The following KCNT2 variants were observed in gnomAD, a reference collection of about 807,000 sequenced individuals.
KCNT2 encodes the protein potassium channel subfamily T member 2.
A neutral mutation model predicts 153.8 loss-of-function variants in KCNT2; 67 were observed. The ratio of observed to expected loss-of-function variants is 0.44; its 90% CI spans 0.36 to 0.53. KCNT2 has a LOEUF of 0.53. Among genes scored for constraint, KCNT2 ranks in the 20% least tolerant of loss-of-function variants. The pLI is 0.00. For synonymous variants in KCNT2, 500 were observed against 458.8 expected (o/e 1.09, Z -1.15); for missense variants, 975 against 1,354.8 (o/e 0.72, Z 4.40).
intron 1 of KCNT2, among the ~76,000 whole-genome samples, chr1:196,497,460 T>C (rs1308565028): frequency 2.0e-5 from 3 of 152,168 alleles, no homozygotes; most frequent in East Asian, 1.9e-4. Context: ...TTAGGTATTA[T>C]AAGTAATCTA....
At chr1:196,550,194 T>C (rs1310171724) in intron 1 of KCNT2, among the ~76,000 whole-genome samples, 1 of 151,878 alleles carries the variant, frequency 6.6e-6, no homozygotes, top group Non-Finnish European at 1.5e-5. Context: ...TTATTATCAG[T>C]TTAAAGGATA....
At chr1:196,339,213 G>GA (rs1398539662) in intron 16 of KCNT2, among the ~76,000 whole-genome samples, 5 of 151,924 alleles carry the variant, frequency 3.3e-5, no homozygotes, top group African/African-American at 9.6e-5. Context: ...GCACAAAGCA[G>GA]AAAAAAAGGC....
intron 23 of KCNT2, among the ~76,000 whole-genome samples, chr1:196,282,937 C>T (rs948352672): frequency 2.0e-5 from 3 of 152,118 alleles, no homozygotes; most frequent in African/African-American, 4.8e-5. Context: ...CTCCGCCTCC[C>T]GGGTTCAAGT....
intron 1 of KCNT2, among the ~76,000 whole-genome samples, chr1:196,587,372 G>A (rs1204199166): frequency 6.6e-6 from 1 of 151,914 alleles, no homozygotes; most frequent in Non-Finnish European, 1.5e-5. Flanking sequence ...ACTAAACGCT[G>A]GAAGAGGGAC....
At chr1:196,253,213 T>G (rs992279428) in intron 26 of KCNT2, among the ~76,000 whole-genome samples, 1 of 151,408 alleles carries the variant, frequency 6.6e-6, no homozygotes, top group African/African-American at 2.4e-5. Context: ...GTCCCACTGG[T>G]AACTAACATT....
chr1:196,604,588 T>C (rs1665108251), intron 1 of KCNT2, among the ~76,000 whole-genome samples: 1 of 152,218 alleles, frequency 6.6e-6, no homozygotes, highest in African/African-American at 2.4e-5. Flanking sequence ...TTCTCTGCAC[T>C]GCTGTGTCTA....
Position 196,602,670 on chromosome 1 carries a change from A to G in KCNT2, c.95+5545T>C, listed in dbSNP as rs533416968. On this transcript the variant is annotated intron_variant, in intron 1 of 27. Coordinates refer to ENST00000294725, the MANE Select transcript of KCNT2 (RefSeq NM_198503.5). ...GAACCTTGTGTGTTTTATATAAAAT[A>G]TTGATGTCTGAATTCTTAGTAGTGA... 7.2e-5 allele frequency among the ~76,000 whole-genome samples: 11 copies of G among 151,968 alleles called. 1 individual carries two copies. Among genetic ancestry groups the G allele is most frequent in the Admixed American group, 2.6e-4 (4 of 15,274 alleles).
intron 1 of KCNT2, among the ~76,000 whole-genome samples, chr1:196,545,586 A>G (rs892484005): frequency 1.3e-5 from 2 of 152,032 alleles, no homozygotes; most frequent in African/African-American, 2.4e-5. Context: ...CAATTTACCT[A>G]TTGAAAGTGA....
chr1:196,449,252 T>C (rs1049233103), intron 8 of KCNT2, among the ~76,000 whole-genome samples: 2 of 151,710 alleles, frequency 1.3e-5, no homozygotes, highest in African/African-American at 4.8e-5. Context: ...CAAGCTCATA[T>C]GAAATTCTAA....
At chr1:196,403,802 C>A (rs1264245983) in intron 12 of KCNT2, among the ~76,000 whole-genome samples, 1 of 151,458 alleles carries the variant, frequency 6.6e-6, no homozygotes, top group Non-Finnish European at 1.5e-5. Flanking sequence ...AGTCACAAAC[C>A]TTGGGCTCTA....
chr1:196,250,092 A>G (rs536215242), intron 26 of KCNT2, among the ~76,000 whole-genome samples: 1 of 152,320 alleles, frequency 6.6e-6, no homozygotes, highest in Admixed American at 6.5e-5. Context: ...ACAAATAAAA[A>G]AAAAAGCATT....
intron 1 of KCNT2, among the ~76,000 whole-genome samples, chr1:196,527,555 TA>T (rs1654399472): frequency 1.3e-5 from 2 of 152,176 alleles, no homozygotes; most frequent in Admixed American, 1.3e-4. Flanking sequence ...TCAAGTACTT[TA>T]AAAGCTGCTT....
chr1:196,393,580 T>C (rs1156610598), intron 13 of KCNT2, among the ~76,000 whole-genome samples: 2 of 145,200 alleles, frequency 1.4e-5, no homozygotes, highest in Non-Finnish European at 3.1e-5. Flanking sequence ...TTTTCTTTTT[T>C]GTTTTGGGGT....
chr1:196,401,852 A>G (rs1439543134), intron 12 of KCNT2, among the ~76,000 whole-genome samples: 1 of 151,594 alleles, frequency 6.6e-6, no homozygotes, highest in South Asian at 2.1e-4. Flanking sequence ...CAAAATCTAA[A>G]CTATATAAAC....
chr1:196,479,927 T>G (rs534495135), intron 4 of KCNT2, among the ~76,000 whole-genome samples: 14 of 152,222 alleles, frequency 9.2e-5, no homozygotes, highest in Admixed American at 8.5e-4. Flanking sequence ...CTAAATAAAA[T>G]AGACCATACC....
At chr1:196,583,997 T>C (rs1357801975) in intron 1 of KCNT2, among the ~76,000 whole-genome samples, 1 of 151,870 alleles carries the variant, frequency 6.6e-6, no homozygotes. Flanking sequence ...CCACGTAAGT[T>C]TCCAGAAGTA....
chr1:196,331,100 A>G (rs1664413534), intron 18 of KCNT2, 56 bp downstream of exon 18: 2 of 917,226 alleles, frequency 2.2e-6, no homozygotes, highest in Non-Finnish European at 3.6e-6. Context: ...AAATTATGTA[A>G]CTATAAAATG....
At chr1:196,357,054 T>C (rs913458816) in intron 14 of KCNT2, among the ~76,000 whole-genome samples, 8 of 151,950 alleles carry the variant, frequency 5.3e-5, no homozygotes, top group African/African-American at 1.9e-4. Flanking sequence ...GGGGATGATA[T>C]TAGCTACCCT....
At chr1:196,299,470 A>C (rs953895403) in intron 22 of KCNT2, among the ~76,000 whole-genome samples, 2 of 152,140 alleles carry the variant, frequency 1.3e-5, no homozygotes, top group Non-Finnish European at 2.9e-5. Context: ...TAACCTGCTC[A>C]TTTCTCCCCA....
Sources: allele counts gnomAD v4.1 joint callset (sites outside exome capture counted in the v4.1 genomes callset), GRCh38; gene constraint gnomAD v4.1.1; transcripts MANE v1.5; gene names NCBI Gene and HGNC (gene_info 2026-07-23, HGNC 2026-07-21).